The following WWOX variants were observed in gnomAD, a reference collection of about 807,000 sequenced individuals.
WWOX encodes the protein WW domain containing oxidoreductase, also known as WW domain-containing oxidoreductase.
A neutral mutation model predicts 46.2 loss-of-function variants in WWOX; 69 were observed. The ratio of observed to expected loss-of-function variants is 1.49; its 90% CI spans 1.23 to 1.82. WWOX has a LOEUF of 1.82. WWOX is among the 40% of genes most tolerant of loss of function. WWOX has a pLI of 0.00. For synonymous variants in WWOX, 359 were observed against 202.6 expected, an observed-to-expected ratio of 1.77 and a Z score of -6.56; for missense variants, 919 against 542.6, an observed-to-expected ratio of 1.69 and a Z score of -6.89.
At chr16:78,714,648 G>A (rs1425758540) in intron 8 of WWOX, among the ~76,000 whole-genome samples, 1 of 152,146 alleles carries the variant, frequency 6.6e-6, no homozygotes, top group Non-Finnish European at 1.5e-5. Context: ...CCCAGGCGGA[G>A]GAAACGGTAA....
chr16:78,565,895 A>G (rs1157900876), intron 8 of WWOX, among the ~76,000 whole-genome samples: 4 of 141,654 alleles, frequency 2.8e-5, no homozygotes, highest in Admixed American at 2.1e-4. Flanking sequence ...CACATTTTTC[A>G]TCCCCCGCCC....
intron 8 of WWOX, among the ~76,000 whole-genome samples, chr16:79,099,492 AT>A (rs892183183): frequency 2.6e-5 from 4 of 152,104 alleles, no homozygotes; most frequent in African/African-American, 9.7e-5. Context: ...CTGTTGTCAT[AT>A]GAGGATACAC....
intron 5 of WWOX, among the ~76,000 whole-genome samples, chr16:78,288,810 C>T (rs952582497): frequency 2.0e-5 from 3 of 152,036 alleles, no homozygotes; most frequent in Non-Finnish European, 4.4e-5. Flanking sequence ...GAGTCATTTA[C>T]CTACAAGTAT....
At chr16:79,153,190 G>A (rs1461021112) in intron 8 of WWOX, among the ~76,000 whole-genome samples, 1 of 152,150 alleles carries the variant, frequency 6.6e-6, no homozygotes, top group African/African-American at 2.4e-5. Context: ...TCCATGTGAG[G>A]AGGAGGAGAT....
intron 8 of WWOX, among the ~76,000 whole-genome samples, chr16:78,505,548 C>T (rs1049802214): frequency 1.3e-5 from 2 of 152,174 alleles, no homozygotes; most frequent in African/African-American, 4.8e-5. Context: ...CTGCTGGGCT[C>T]TAGAGAAGTG....
At chr16:78,598,979 G>A (rs2667537) in intron 8 of WWOX, among the ~76,000 whole-genome samples, 1 of 152,202 alleles carries the variant, frequency 6.6e-6, no homozygotes, top group Non-Finnish European at 1.5e-5. Flanking sequence ...TAGGCAACCA[G>A]TAAGTGGCAG....
chr16:79,112,782 G>A (rs1432709869), intron 8 of WWOX, among the ~76,000 whole-genome samples: 7 of 152,188 alleles, frequency 4.6e-5, no homozygotes, highest in South Asian at 2.1e-4. Context: ...ATCTAGTTTC[G>A]CCGCCTCGTT....
At chr16:78,508,957 C>G (rs531460393) in intron 8 of WWOX, among the ~76,000 whole-genome samples, 2 of 152,244 alleles carry the variant, frequency 1.3e-5, no homozygotes, top group African/African-American at 2.4e-5. Flanking sequence ...AGTATCCTCT[C>G]TAGGCAAATA....
At chr16:78,408,043 G>C (rs1314382352) in intron 6 of WWOX, among the ~76,000 whole-genome samples, 3 of 152,142 alleles carry the variant, frequency 2.0e-5, no homozygotes, top group Non-Finnish European at 2.9e-5. Flanking sequence ...TTAAAGTCCA[G>C]GTGAGAGTGG....
At chr16:78,825,867 C>T (rs1171116478) in intron 8 of WWOX, 7 of 658,516 alleles carry the variant, frequency 1.1e-5, no homozygotes, top group Non-Finnish European at 1.9e-5. Context: ...GCTGGTAAGA[C>T]TGGCCCTAAG....
intron 5 of WWOX, among the ~76,000 whole-genome samples, chr16:78,327,802 C>G (rs1325344277): frequency 6.7e-6 from 1 of 150,264 alleles, no homozygotes; most frequent in Admixed American, 6.6e-5. Context: ...CTGCAAAGCT[C>G]TTAGAGCACC....
At chr16:78,240,431 C>G (rs1227462808) in intron 5 of WWOX, among the ~76,000 whole-genome samples, 1 of 152,100 alleles carries the variant, frequency 6.6e-6, no homozygotes, top group African/African-American at 2.4e-5. Context: ...CAAGAGATGC[C>G]ACGGTCATGG....
At chr16:78,592,664 G>A (rs79315812) in intron 8 of WWOX, among the ~76,000 whole-genome samples, 2,613 of 152,276 alleles carry the variant, frequency 0.017, 54 homozygotes, top group East Asian at 0.08. Flanking sequence ...GAGCCTAGGT[G>A]TGTAAATTAG....
chr16:78,651,136 G>A (rs567112949), intron 8 of WWOX, among the ~76,000 whole-genome samples: 44 of 152,304 alleles, frequency 2.9e-4, no homozygotes, highest in Non-Finnish European at 4.7e-4. Flanking sequence ...TCCTCAGTTG[G>A]GATCAGAAGG....
chr16:78,896,673 G>T (rs1447183482), intron 8 of WWOX: 3 of 152,000 alleles, frequency 2.0e-5, no homozygotes, highest in Non-Finnish European at 4.4e-5. Flanking sequence ...AAGCATTTTT[G>T]TCGATTGGAT....
At chr16:78,666,889 C>G (rs371576389) in intron 8 of WWOX, among the ~76,000 whole-genome samples, 2 of 152,178 alleles carry the variant, frequency 1.3e-5, no homozygotes, top group African/African-American at 4.8e-5. Flanking sequence ...TAAATTCAGA[C>G]ATAAGTCAGA....
chr16:78,516,596 G>T (rs537200982), intron 8 of WWOX, among the ~76,000 whole-genome samples: 36 of 152,096 alleles, frequency 2.4e-4, no homozygotes, highest in African/African-American at 8.7e-4. Flanking sequence ...CTACAATTTT[G>T]TTCCCCAGCC....
In WWOX at chr16:78,997,909, C is replaced by A. The variant is rs538611416; in HGVS notation, c.1057-213699C>A. ...CTTTTTTTTTTAGACAGAGTTTCAC[C>A]CTTATTGCCTAGGCTGGAGTACAAT... On this transcript the variant is annotated intron_variant, in intron 8 of 8. Coordinates refer to ENST00000566780, the MANE Select transcript of WWOX (RefSeq NM_016373.4). 3.5e-4 allele frequency among the ~76,000 whole-genome samples: 54 copies of A among 152,170 alleles called. No homozygotes were observed. The South Asian group carries it at 0.011, about 32-fold the overall frequency.
chr16:78,837,754 C>A lies in WWOX; in HGVS notation c.1057-373854C>A, dbSNP rs569923132. On this transcript the variant is annotated intron_variant, in intron 8 of 8. Coordinates refer to ENST00000566780, the MANE Select transcript of WWOX (RefSeq NM_016373.4). ...ATTTTGACTTGGTAATTTGTAATAA[C>A]AATAGCCACCATCTATCTATACTTC... is the stretch of plus-strand genomic sequence containing the variant. Among the ~76,000 whole-genome samples, 204 of 152,198 alleles carry A rather than the reference C, an allele frequency of 1.3e-3. 1 individual carries two copies. The highest frequency in any genetic ancestry group is 4.6e-3 in the African/African-American group (191 of 41,534).
Sources: allele counts gnomAD v4.1 joint callset (sites outside exome capture counted in the v4.1 genomes callset), GRCh38; gene constraint gnomAD v4.1.1; transcripts MANE v1.5; gene names NCBI Gene and HGNC (gene_info 2026-07-23, HGNC 2026-07-21).